The following KIAA0825 variants were observed in gnomAD, a reference collection of about 807,000 sequenced individuals.
The protein encoded by KIAA0825 is KIAA0825, also known as uncharacterized protein KIAA0825.
KIAA0825 carries 119 observed loss-of-function variants against 147.6 expected under a neutral mutation model. The observed-to-expected ratio is 0.81, with a 90% CI of 0.69 to 0.94. The LOEUF is 0.94. KIAA0825 is among the 40% of genes least tolerant of loss of function. The pLI is 0.00. For missense variants in KIAA0825, 1,381 were observed against 1,472.7 expected (o/e 0.94, Z 1.02); for synonymous variants, 470 against 518.1 (o/e 0.91, Z 1.26).
intron 20 of KIAA0825, among the ~76,000 whole-genome samples, chr5:94,320,287 T>G (rs1246743731): frequency 1.3e-5 from 2 of 152,016 alleles, no homozygotes; most frequent in African/African-American, 4.8e-5. Flanking sequence ...GTTAGGATGT[T>G]TAGGGTATCC....
At chr5:94,555,776 T>A (rs1383203750) in intron 2 of KIAA0825, among the ~76,000 whole-genome samples, 1 of 152,212 alleles carries the variant, frequency 6.6e-6, no homozygotes, top group Non-Finnish European at 1.5e-5. Context: ...CAAGATAATA[T>A]AAATTTTAAT....
intron 10 of KIAA0825, among the ~76,000 whole-genome samples, chr5:94,465,988 C>T (rs1760441267): frequency 2.0e-5 from 3 of 152,178 alleles, no homozygotes; most frequent in Admixed American, 2.0e-4. Context: ...GATTAGAATG[C>T]ATTCCTCAAG....
At chr5:94,226,596 T>G (rs1303730116) in intron 20 of KIAA0825, among the ~76,000 whole-genome samples, 3 of 151,874 alleles carry the variant, frequency 2.0e-5, no homozygotes, top group Non-Finnish European at 2.9e-5. Context: ...ATTCACAATA[T>G]CAAAGACTTG....
chr5:94,253,069 CT>C (rs1163090582), intron 20 of KIAA0825, among the ~76,000 whole-genome samples: 1 of 152,112 alleles, frequency 6.6e-6, no homozygotes, highest in Non-Finnish European at 1.5e-5. Flanking sequence ...TTGTATTCAT[CT>C]GTCTGTGCCC....
At chr5:94,204,836 C>T (rs1019721017) in intron 20 of KIAA0825, among the ~76,000 whole-genome samples, 19 of 152,292 alleles carry the variant, frequency 1.2e-4, no homozygotes, top group African/African-American at 4.1e-4. Flanking sequence ...ATCTGGTGAA[C>T]ATCTTTCCAG....
chr5:94,165,523 A>G (rs1767953161), intron 20 of KIAA0825, among the ~76,000 whole-genome samples: 1 of 152,348 alleles, frequency 6.6e-6, no homozygotes, highest in Middle Eastern at 3.4e-3. Flanking sequence ...CCCAAAGGAA[A>G]GGAAATCAGC....
intron 20 of KIAA0825, among the ~76,000 whole-genome samples, chr5:94,358,374 A>G (rs1744607577): frequency 6.6e-6 from 1 of 152,230 alleles, no homozygotes; most frequent in African/African-American, 2.4e-5. Flanking sequence ...ACAGTCTAGT[A>G]TAGGGCAAAG....
intron 7 of KIAA0825, among the ~76,000 whole-genome samples, chr5:94,475,076 G>A (rs767074611): frequency 1.5e-3 from 227 of 149,834 alleles, no homozygotes; most frequent in Non-Finnish European, 2.3e-3. Flanking sequence ...GCAACAGAGC[G>A]AGACTCCATC....
intron 20 of KIAA0825, among the ~76,000 whole-genome samples, chr5:94,160,448 ACATTTCTGTATATATCTG>A (rs1446969187): frequency 1.3e-5 from 2 of 149,674 alleles, no homozygotes; most frequent in Non-Finnish European, 3.0e-5. Flanking sequence ...TGTATATAGT[ACATTTCTGTATATATCTG>A]CATATCTGTA....
chr5:94,306,936 G>A (rs558287787), intron 20 of KIAA0825, among the ~76,000 whole-genome samples: 1 of 151,860 alleles, frequency 6.6e-6, no homozygotes, highest in South Asian at 2.1e-4. Flanking sequence ...GTCATTACCA[G>A]GCATTCTGGA....
chr5:94,424,216 AACTTATATTAAAT>A (rs1170223388), intron 14 of KIAA0825, among the ~76,000 whole-genome samples: 1 of 152,100 alleles, frequency 6.6e-6, no homozygotes. Context: ...TGTCATATAA[AACTTATATTAAAT>A]ATACACATTC....
At chr5:94,322,022 C>T (rs950920127) in intron 20 of KIAA0825, among the ~76,000 whole-genome samples, 6 of 151,786 alleles carry the variant, frequency 4.0e-5, no homozygotes, top group African/African-American at 1.5e-4. Context: ...ACATTAAAGG[C>T]CACACAAAAA....
chr5:94,162,917 T>G (rs1434677401), intron 20 of KIAA0825, among the ~76,000 whole-genome samples: 2 of 152,222 alleles, frequency 1.3e-5, no homozygotes, highest in Admixed American at 6.5e-5. Flanking sequence ...AAATAATAAC[T>G]TTTCACTACC....
chr5:94,458,053 T>C (rs1266642971), intron 12 of KIAA0825, among the ~76,000 whole-genome samples: 4 of 152,138 alleles, frequency 2.6e-5, no homozygotes, highest in Non-Finnish European at 5.9e-5. Context: ...AAGCTTGAGA[T>C]AAGTGAGGAC....
intron 2 of KIAA0825, among the ~76,000 whole-genome samples, chr5:94,538,984 C>G (rs962088726): frequency 6.6e-6 from 1 of 152,218 alleles, no homozygotes; most frequent in African/African-American, 2.4e-5. Context: ...AAGGCTGAGA[C>G]CTACTGGACT....
At chr5:94,174,117 G>T (rs1029185835) in intron 20 of KIAA0825, among the ~76,000 whole-genome samples, 2 of 152,250 alleles carry the variant, frequency 1.3e-5, no homozygotes, top group African/African-American at 4.8e-5. Flanking sequence ...GCACTGTGGG[G>T]CTCCCATAGA....
chr5:94,492,145 C>A (rs1364476690), intron 5 of KIAA0825, among the ~76,000 whole-genome samples: 1 of 152,196 alleles, frequency 6.6e-6, no homozygotes, highest in Non-Finnish European at 1.5e-5. Flanking sequence ...ATCCCACCAC[C>A]AATTGTATCA....
At chr5:94,272,077 C>T (rs1176710780) in intron 20 of KIAA0825, among the ~76,000 whole-genome samples, 2 of 105,826 alleles carry the variant, frequency 1.9e-5, no homozygotes, top group African/African-American at 3.6e-5. Flanking sequence ...GAATGACAAA[C>T]ATTGCATCTT....
chr5:94,329,187 T>C (rs1490161899), intron 20 of KIAA0825, among the ~76,000 whole-genome samples: 33 of 152,080 alleles, frequency 2.2e-4, no homozygotes, highest in Admixed American at 2.2e-3. Flanking sequence ...AGAAGGTTTT[T>C]TTTAATTGAG....
Sources: allele counts gnomAD v4.1 joint callset (sites outside exome capture counted in the v4.1 genomes callset), GRCh38; gene constraint gnomAD v4.1.1; transcripts MANE v1.5; gene names NCBI Gene and HGNC (gene_info 2026-07-23, HGNC 2026-07-21).